PLCB1: variants seen among roughly 807,000 people sequenced by gnomAD.
The protein encoded by PLCB1 is 1-phosphatidylinositol 4,5-bisphosphate phosphodiesterase beta-1.
Under a neutral mutation model 161.8 loss-of-function variants are expected in PLCB1, and 46 were observed. The observed-to-expected ratio is 0.28, with a 90% CI of 0.22 to 0.36. The LOEUF (loss-of-function observed/expected upper bound fraction) is 0.36. PLCB1 is among the 10% of genes least tolerant of loss of function. The probability of loss-of-function intolerance (pLI) is 1.00; values close to 1 mark genes in which losing one functional copy is unlikely to be tolerated. For synonymous variants in PLCB1, 517 were observed against 503.7 expected, an observed-to-expected ratio of 1.03 and a Z score of -0.35; for missense variants, 1,016 against 1,472.5, an observed-to-expected ratio of 0.69 and a Z score of 5.07.
chr20:8,247,077 G>A (rs1376210373), intron 2 of PLCB1, among the ~76,000 whole-genome samples: 1 of 151,902 alleles, frequency 6.6e-6, no homozygotes, highest in East Asian at 1.9e-4. Flanking sequence ...TTTCCAAGGA[G>A]CACTGTCATA....
At chr20:8,700,643 G>A (rs572053433) in intron 11 of PLCB1, among the ~76,000 whole-genome samples, 65 of 152,314 alleles carry the variant, frequency 4.3e-4, no homozygotes, top group African/African-American at 1.3e-3. Flanking sequence ...GGAGTGGGGA[G>A]GTGACCAGGA....
At chr20:8,425,353 T>C (rs1431955989) in intron 3 of PLCB1, among the ~76,000 whole-genome samples, 1 of 152,096 alleles carries the variant, frequency 6.6e-6, no homozygotes, top group Non-Finnish European at 1.5e-5. Context: ...TCAATTTAGT[T>C]CCAGGAAATT....
intron 2 of PLCB1, among the ~76,000 whole-genome samples, chr20:8,213,531 A>T (rs1406426013): frequency 1.3e-5 from 2 of 152,142 alleles, no homozygotes; most frequent in East Asian, 3.9e-4. Flanking sequence ...CCAGTGGCTG[A>T]GCCCAGAACA....
chr20:8,424,325 G>A (rs1979656279), intron 3 of PLCB1, among the ~76,000 whole-genome samples: 1 of 152,198 alleles, frequency 6.6e-6, no homozygotes, highest in African/African-American at 2.4e-5. Flanking sequence ...AGGGGTCTCA[G>A]ATAACATATC....
intron 3 of PLCB1, among the ~76,000 whole-genome samples, chr20:8,588,456 AC>A (rs756916559): frequency 7.9e-5 from 12 of 152,096 alleles, no homozygotes; most frequent in Non-Finnish European, 1.5e-4. Flanking sequence ...TGAAGCCCTA[AC>A]CCCTAATGTG....
intron 3 of PLCB1, among the ~76,000 whole-genome samples, chr20:8,611,024 A>G (rs545355685): frequency 7.2e-5 from 11 of 152,158 alleles, no homozygotes; most frequent in African/African-American, 2.6e-4. Flanking sequence ...TAAGAAATGT[A>G]TCTCTTTTCA....
Position 8,441,234 on chromosome 20 carries a change from A to G in PLCB1, c.246+69784A>G, listed in dbSNP as rs537182068. ...GTTTATTCATTGGCATTAGGCATCT[A>G]TGGTTAGCTCTACAGAATTATAGTT... On this transcript the variant is annotated intron_variant, in intron 3 of 31. Transcript: ENST00000338037. Among the ~76,000 whole-genome samples the G allele has an allele frequency of 2.0e-5, 3 of 152,326 alleles. No individual in the cohort carries two copies. In the South Asian group the frequency reaches 6.2e-4, roughly 32 times the overall value.
At chr20:8,161,183 A>T (rs148004074) in intron 2 of PLCB1, among the ~76,000 whole-genome samples, 1 of 152,212 alleles carries the variant, frequency 6.6e-6, no homozygotes, top group African/African-American at 2.4e-5. Context: ...TATATAGTAT[A>T]TGTAGCATAG....
chr20:8,339,581 C>T (rs973796669), intron 2 of PLCB1, among the ~76,000 whole-genome samples: 1 of 152,236 alleles, frequency 6.6e-6, no homozygotes, highest in African/African-American at 2.4e-5. Context: ...AGCCCACTTG[C>T]ACCTTGACCT....
At chr20:8,644,240 C>A (rs1025135505) in intron 4 of PLCB1, among the ~76,000 whole-genome samples, 2 of 152,032 alleles carry the variant, frequency 1.3e-5, no homozygotes, top group Admixed American at 1.3e-4. Flanking sequence ...TGAGGAGCGT[C>A]TCTGCCTGGC....
At chr20:8,802,718 G>A (rs1984344144) in intron 31 of PLCB1, among the ~76,000 whole-genome samples, 1 of 152,286 alleles carries the variant, frequency 6.6e-6, no homozygotes, top group African/African-American at 2.4e-5. Flanking sequence ...GGGACAGCTT[G>A]TGATTTCCTG....
At chr20:8,624,129 G>A (rs958064869) in intron 3 of PLCB1, among the ~76,000 whole-genome samples, 1 of 152,126 alleles carries the variant, frequency 6.6e-6, no homozygotes, top group Non-Finnish European at 1.5e-5. Flanking sequence ...TGAATCACAC[G>A]AATCTCACTT....
At chr20:8,879,296 GAAA>G (rs11470638) in intron 31 of PLCB1, among the ~76,000 whole-genome samples, 54,904 of 138,504 alleles carry the variant, frequency 0.4, 10,162 homozygotes, top group South Asian at 0.61. Context: ...TTTTTGATGT[GAAA>G]AAAAAAAAAA....
In PLCB1 at chr20:8,228,686, G is replaced by GTATTTATT. The variant is rs77958137; in HGVS notation, c.177+78323_177+78330dup. 1.3e-3 allele frequency among the ~76,000 whole-genome samples: 189 copies of GTATTTATT among 150,674 alleles called. 1 individual carries two copies. The highest frequency in any genetic ancestry group is 3.7e-3 in the African/African-American group (151 of 41,012). On this transcript the variant is annotated intron_variant, in intron 2 of 31. Coordinates refer to ENST00000338037, the MANE Select transcript of PLCB1 (RefSeq NM_015192.4). ...CACCACGCCCCACTAATTTTTTTTT[G>GTATTTATT]TATTTATTTATTTATCTATTTGTAG...
chr20:8,373,612 C>A (rs1412106472), intron 3 of PLCB1, among the ~76,000 whole-genome samples: 4 of 152,110 alleles, frequency 2.6e-5, no homozygotes, highest in Admixed American at 2.0e-4. Flanking sequence ...AAATTTGCAG[C>A]AAAATTTGAG....
intron 11 of PLCB1, among the ~76,000 whole-genome samples, chr20:8,699,488 A>G (rs1474863892): frequency 1.3e-5 from 2 of 152,150 alleles, no homozygotes; most frequent in African/African-American, 4.8e-5. Flanking sequence ...CCTCATGGGA[A>G]CTAGGATTTT....
At chr20:8,405,971 A>G (rs969178690) in intron 3 of PLCB1, among the ~76,000 whole-genome samples, 1 of 152,060 alleles carries the variant, frequency 6.6e-6, no homozygotes, top group Non-Finnish European at 1.5e-5. Context: ...GTATTTACAC[A>G]AGATAAATTG....
chr20:8,639,289 G>A (rs1436915055), intron 4 of PLCB1, among the ~76,000 whole-genome samples: 1 of 152,166 alleles, frequency 6.6e-6, no homozygotes, highest in Non-Finnish European at 1.5e-5. Flanking sequence ...GGAACAGAGT[G>A]TTGTGCCAGC....
At chr20:8,171,992 G>C (rs959625835) in intron 2 of PLCB1, among the ~76,000 whole-genome samples, 1 of 151,886 alleles carries the variant, frequency 6.6e-6, no homozygotes, top group African/African-American at 2.4e-5. Context: ...ATATGTTCTA[G>C]TGCATTTTTT....
Sources: allele counts gnomAD v4.1 joint callset (sites outside exome capture counted in the v4.1 genomes callset), GRCh38; gene constraint gnomAD v4.1.1; transcripts MANE v1.5; gene names NCBI Gene and HGNC (gene_info 2026-07-23, HGNC 2026-07-21).